PHIP: variants seen among roughly 807,000 people sequenced by gnomAD.
PHIP encodes PHIP subunit of CUL4-Ring ligase complex.
In PHIP, 54 loss-of-function variants were observed where a neutral mutation model predicts 236.8. The observed-to-expected ratio is 0.23, with a 90% CI of 0.18 to 0.29. The LOEUF (loss-of-function observed/expected upper bound fraction) is 0.29, where lower values mean the gene tolerates loss of function less well. Ranked by LOEUF, PHIP falls within the 10% of genes least tolerant of loss-of-function variation. The probability of loss-of-function intolerance (pLI) is 1.00; values close to 1 mark genes in which losing one functional copy is unlikely to be tolerated. For synonymous variants in PHIP, 756 were observed against 718.9 expected, an observed-to-expected ratio of 1.05 and a Z score of -0.83; for missense variants, 1,370 against 2,190.8, an observed-to-expected ratio of 0.63 and a Z score of 7.48.
At chr6:79,067,455 T>G (rs1381313591) in intron 4 of PHIP, among the ~76,000 whole-genome samples, 1 of 152,226 alleles carries the variant, frequency 6.6e-6, no homozygotes, top group African/African-American at 2.4e-5. Context: ...AAAGGTATCC[T>G]TTTTTTAAAA....
intron 10 of PHIP, 133 bp from the exon 11 acceptor site, chr6:79,017,716 C>A: frequency 4.9e-6 from 3 of 609,090 alleles, no homozygotes; most frequent in South Asian, 2.3e-5. Flanking sequence ...TCACATTTAT[C>A]CTAAATATAT....
At chr6:79,025,847 C>A (rs1159669365) in intron 8 of PHIP, 96 bp downstream of exon 8, 1 of 937,504 alleles carries the variant, frequency 1.1e-6, no homozygotes, top group Non-Finnish European at 1.6e-6. Context: ...ATAAAAGTAA[C>A]TTCTTAAAAT....
At chr6:78,949,674 G>A (rs1460301237) in intron 35 of PHIP, among the ~76,000 whole-genome samples, 2 of 151,718 alleles carry the variant, frequency 1.3e-5, no homozygotes, top group Non-Finnish European at 2.9e-5. Flanking sequence ...ACTTTTCTGG[G>A]ACTCTTTTTT....
intron 35 of PHIP, among the ~76,000 whole-genome samples, chr6:78,949,427 T>A (rs1210557263): frequency 1.3e-5 from 2 of 152,108 alleles, no homozygotes; most frequent in East Asian, 3.9e-4. Context: ...ACTAAGCCAG[T>A]ATTTCCCTGT....
At chr6:78,960,182 CTAAGTCAAACCATTG>C (rs1766683918) in intron 31 of PHIP, among the ~76,000 whole-genome samples, 1 of 152,146 alleles carries the variant, frequency 6.6e-6, no homozygotes, top group Admixed American at 6.6e-5. Flanking sequence ...GCTGAAAAAT[CTAAGTCAAACCATTG>C]TAAGTCAAAC....
intron 4 of PHIP, among the ~76,000 whole-genome samples, chr6:79,075,182 A>C (rs926897574): frequency 6.6e-6 from 1 of 152,178 alleles, no homozygotes; most frequent in Non-Finnish European, 1.5e-5. Flanking sequence ...GAACAAAAAA[A>C]TCCAGTGTTC....
intron 17 of PHIP, among the ~76,000 whole-genome samples, chr6:78,999,110 A>C (rs1478303796): frequency 1.3e-5 from 2 of 152,168 alleles, no homozygotes; most frequent in African/African-American, 4.8e-5. Flanking sequence ...CTAGATAAGG[A>C]ACACTTCAGG....
intron 7 of PHIP, among the ~76,000 whole-genome samples, chr6:79,031,640 T>C (rs1391257710): frequency 6.6e-6 from 1 of 152,228 alleles, no homozygotes; most frequent in African/African-American, 2.4e-5. Flanking sequence ...AACACACATA[T>C]TATGATAAAG....
intron 9 of PHIP, among the ~76,000 whole-genome samples, chr6:79,024,941 C>T (rs947452520): frequency 2.0e-5 from 3 of 152,146 alleles, no homozygotes; most frequent in African/African-American, 7.2e-5. Context: ...CATTTCAGTG[C>T]CCTTAATCCA....
At chr6:79,033,818 G>A (rs145289504) in intron 7 of PHIP, among the ~76,000 whole-genome samples, 36 of 152,114 alleles carry the variant, frequency 2.4e-4, no homozygotes, top group African/African-American at 8.0e-4. Flanking sequence ...TTCCTCACTC[G>A]CCTTAATCTT....
At chr6:79,012,509 T>TATA (rs1486630968) in intron 15 of PHIP, among the ~76,000 whole-genome samples, 1 of 151,740 alleles carries the variant, frequency 6.6e-6, no homozygotes, top group Non-Finnish European at 1.5e-5. Context: ...CAAAGCACTA[T>TATA]ATATGACTAG....
chr6:79,006,050 T>A (rs144204260), intron 15 of PHIP, among the ~76,000 whole-genome samples: 1 of 152,192 alleles, frequency 6.6e-6, no homozygotes, highest in East Asian at 1.9e-4. Flanking sequence ...GTATAAGGCA[T>A]CTGTTTAACT....
intron 15 of PHIP, among the ~76,000 whole-genome samples, chr6:79,012,734 G>A (rs563156235): frequency 2.0e-5 from 3 of 151,682 alleles, no homozygotes; most frequent in African/African-American, 4.8e-5. Context: ...GCCCTCCCTC[G>A]AATTGTTTCT....
chr6:79,077,769 G>C (rs1455843498), intron 2 of PHIP, 40 bp from the exon 3 acceptor site: 9 of 978,316 alleles, frequency 9.2e-6, no homozygotes, highest in African/African-American at 1.8e-5. Context: ...CCCGCGCCCC[G>C]GGCCGCGGCC....
At chr6:79,001,751 A>G in intron 17 of PHIP, 148 bp downstream of exon 17, 2 of 599,130 alleles carry the variant, frequency 3.3e-6, no homozygotes, top group Non-Finnish European at 3.0e-6. Context: ...GTAATCCTTA[A>G]GCATGATCAA....
chr6:78,935,386 A>G lies in PHIP; in HGVS notation c.*5307T>C. 1 of 426,144 alleles carries G rather than the reference A, an allele frequency of 2.3e-6. No homozygotes were observed. The highest frequency in any genetic ancestry group is 3.1e-6 in the Non-Finnish European group (1 of 319,002). The allele number at this position is 426,144 out of a possible 1,614,324, so 26.4% of individuals were successfully genotyped here. Reference sequence around the variant, plus strand: ...GCTAAAATTGGGATTCTTAGTCAATAAAAATGCATGCCAATCTGACAAAAT... The same window carrying G: ...GCTAAAATTGGGATTCTTAGTCAATGAAAATGCATGCCAATCTGACAAAAT... On this transcript the variant is annotated 3_prime_UTR_variant, in exon 40 of 40. Transcript: ENST00000275034.
chr6:79,014,965 T>G (rs557809587), intron 15 of PHIP, 117 bp downstream of exon 15: 2 of 712,560 alleles, frequency 2.8e-6, no homozygotes, highest in East Asian at 5.3e-5. Flanking sequence ...TGATGGGAAT[T>G]TAAAGTCAAA....
intron 7 of PHIP, among the ~76,000 whole-genome samples, chr6:79,032,833 T>C (rs763917066): frequency 8.6e-5 from 13 of 151,818 alleles, no homozygotes; most frequent in Non-Finnish European, 1.3e-4. Context: ...GTTTTCGATG[T>C]ACTTTGCCCA....
intron 15 of PHIP, among the ~76,000 whole-genome samples, chr6:79,010,999 T>A (rs148724997): frequency 2.0e-5 from 3 of 152,002 alleles, no homozygotes; most frequent in Admixed American, 6.6e-5. Flanking sequence ...TCAGCTTCAG[T>A]CCTGAGAGTT....
Sources: gnomAD v4.1 joint callset for allele counts (sites outside exome capture counted in the v4.1 genomes callset) on GRCh38, gnomAD v4.1.1 for gene constraint, MANE v1.5 for transcripts, NCBI Gene and HGNC (gene_info 2026-07-23, HGNC 2026-07-21) for gene names.